Variants in MPP1 observed in about 807,000 individuals in gnomAD.
The protein encoded by MPP1 is 55 kDa erythrocyte membrane protein.
MPP1 carries 6 observed loss-of-function variants against 38.2 expected under a neutral mutation model. The ratio of observed to expected loss-of-function variants is 0.16; its 90% CI spans 0.09 to 0.31. MPP1 has a LOEUF of 0.31. MPP1 is among the 10% of genes least tolerant of loss of function. The pLI is 1.00. For synonymous variants in MPP1, 153 were observed against 146.3 expected (o/e 1.05, Z -0.33); for missense variants, 293 against 368.9 (o/e 0.79, Z 1.69).
chrX:154,780,001 G>A (rs1421661409), intron 11 of MPP1, among the ~76,000 whole-genome samples: 2 of 112,604 alleles, frequency 1.8e-5, no homozygotes, highest in South Asian at 3.6e-4. Flanking sequence ...TTACAGGTGT[G>A]AGCCACTGCA....
intron 1 of MPP1, among the ~76,000 whole-genome samples, chrX:154,798,794 G>T (rs782476772): frequency 9.4e-4 from 105 of 111,449 alleles, no homozygotes; most frequent in Non-Finnish European, 9.2e-4. Context: ...GAGTGCAATG[G>T]CACGATCTCG....
rs1557266689 is a variant in MPP1 at position 154,781,815 on chromosome X, A to C, written c.947-13T>G. On this transcript the variant is annotated splice_polypyrimidine_tract_variant and intron_variant, in intron 9 of 11. Coordinates refer to ENST00000369534, the MANE Select transcript of MPP1 (RefSeq NM_002436.4). ...GGCCGTGTTGTATCTGTGTACAAGA[A>C]CCCAAATCCCCGACAAACTCCAGGT... 8.3e-7 allele frequency: 1 copy of C among 1,202,513 alleles called. No homozygotes were observed. The highest frequency in any genetic ancestry group is 2.2e-5 in the Admixed American group (1 of 45,951).
At chrX:154,785,212 C>G (rs1343863538) in intron 6 of MPP1, 55 bp from the exon 7 acceptor site, 38 of 902,470 alleles carry the variant, frequency 4.2e-5, no homozygotes, top group Non-Finnish European at 5.3e-5. Context: ...CCTCATACCC[C>G]CCCCAGCCAC....
chrX:154,785,195 C>A, intron 6 of MPP1, 38 bp from the exon 7 acceptor site: 1 of 948,347 alleles, frequency 1.1e-6, no homozygotes, highest in Non-Finnish European at 1.4e-6. Flanking sequence ...AGCTTTCCTC[C>A]CCCTCCCCTC....
intron 1 of MPP1, among the ~76,000 whole-genome samples, chrX:154,800,045 T>C (rs2072245201): frequency 8.9e-6 from 1 of 112,289 alleles, no homozygotes; most frequent in African/African-American, 3.2e-5. Flanking sequence ...TTGCTCAGCC[T>C]ACTGTTAGGC....
chrX:154,792,746 T>G (rs782517199), intron 1 of MPP1, among the ~76,000 whole-genome samples: 4 of 111,007 alleles, frequency 3.6e-5, no homozygotes, highest in African/African-American at 1.3e-4. Flanking sequence ...AACCTGATGC[T>G]CTCGGTCACA....
chrX:154,795,956 A>G (rs2072191833), intron 1 of MPP1, among the ~76,000 whole-genome samples: 1 of 111,231 alleles, frequency 9.0e-6, no homozygotes, highest in Non-Finnish European at 1.9e-5. Flanking sequence ...TAAATTAGTA[A>G]AAGAATTTTC....
chrX:154,781,349 G>C lies in MPP1; in HGVS notation c.1150-36C>G, dbSNP rs782005009. ...AAAAGAAGGGCGGCGGGGAGGGGGG[G>C]GAAGGAAGAAAAGGAAAGTGAAAAA... On this transcript the variant is annotated intron_variant, in intron 10 of 11. Coordinates refer to ENST00000369534, the MANE Select transcript of MPP1 (RefSeq NM_002436.4). 4 of 1,028,864 alleles carry C rather than the reference G, an allele frequency of 3.9e-6. No individual in the cohort carries two copies. In the South Asian group the frequency reaches 8.0e-5, roughly 21 times the overall value. The allele number at this position is 1,028,864 out of a possible 1,213,427, so 84.8% of individuals were successfully genotyped here.
chrX:154,799,752 T>G, intron 1 of MPP1: 1 of 1,162,799 alleles, frequency 8.6e-7, no homozygotes, highest in South Asian at 1.9e-5. Context: ...CACCCAGGAC[T>G]CCATGTCTGG....
chrX:154,804,983 C>T (rs1198881728), intron 1 of MPP1, among the ~76,000 whole-genome samples: 1 of 113,087 alleles, frequency 8.8e-6, no homozygotes, highest in Non-Finnish European at 1.9e-5. Flanking sequence ...GACTTCCGTC[C>T]ACGAGGAAGT....
intron 1 of MPP1, among the ~76,000 whole-genome samples, chrX:154,802,366 C>A (rs896601498): frequency 8.9e-6 from 1 of 111,771 alleles, no homozygotes; most frequent in African/African-American, 3.3e-5. Context: ...TGACCACCAG[C>A]GGGGAGTAAT....
At chrX:154,803,086 C>G (rs1326703874) in intron 1 of MPP1, among the ~76,000 whole-genome samples, 1 of 112,280 alleles carries the variant, frequency 8.9e-6, no homozygotes, top group Admixed American at 9.4e-5. Context: ...ACCTTCCAAA[C>G]TTGCCAGTTT....
At chrX:154,789,201 C>A (rs1557267490) in intron 5 of MPP1, among the ~76,000 whole-genome samples, 1 of 112,141 alleles carries the variant, frequency 8.9e-6, no homozygotes, top group Non-Finnish European at 1.9e-5. Context: ...CTACAAGTAA[C>A]CTGCAATAGA....
intron 1 of MPP1, among the ~76,000 whole-genome samples, chrX:154,793,235 C>A (rs782637281): frequency 8.9e-6 from 1 of 112,456 alleles, no homozygotes. Context: ...ACGGAGCAAT[C>A]ATCATACAAG....
chrX:154,786,518 T>C, intron 5 of MPP1, 118 bp from the exon 6 acceptor site: 2 of 643,757 alleles, frequency 3.1e-6, no homozygotes, highest in Non-Finnish European at 2.4e-6. Context: ...GAGGTAAGAA[T>C]GGTGGGGGAG....
intron 1 of MPP1, among the ~76,000 whole-genome samples, chrX:154,793,402 A>G (rs2072163049): frequency 8.9e-6 from 1 of 112,671 alleles, no homozygotes; most frequent in Non-Finnish European, 1.9e-5. Flanking sequence ...GGATGAAAAG[A>G]ACCATAAACA....
intron 5 of MPP1, 53 bp downstream of exon 5, chrX:154,789,901 C>T (rs1557267550): frequency 1.1e-6 from 1 of 894,649 alleles, no homozygotes; most frequent in East Asian, 3.2e-5. Flanking sequence ...GAATATAAGA[C>T]AACATGGCCC....
chrX:154,800,496 GA>G (rs1232299141), intron 1 of MPP1, among the ~76,000 whole-genome samples: 3 of 110,874 alleles, frequency 2.7e-5, no homozygotes, highest in South Asian at 3.8e-4. Flanking sequence ...TTCCACTGGG[GA>G]AAAAAAACAA....
At chrX:154,802,425 A>G (rs1240699335) in intron 1 of MPP1, among the ~76,000 whole-genome samples, 1 of 111,442 alleles carries the variant, frequency 9.0e-6, no homozygotes, top group Non-Finnish European at 1.9e-5. Flanking sequence ...CTTGGTGGAA[A>G]TTTGCCTGGA....
Sources: allele counts gnomAD v4.1 joint callset (sites outside exome capture counted in the v4.1 genomes callset), GRCh38; gene constraint gnomAD v4.1.1; transcripts MANE v1.5; gene names NCBI Gene and HGNC (gene_info 2026-07-23, HGNC 2026-07-21).